The following FAF1 variants were observed in gnomAD, a reference collection of about 807,000 sequenced individuals.
FAF1 encodes FAS-associated factor 1.
Under a neutral mutation model 92.5 loss-of-function variants are expected in FAF1, and 25 were observed. The ratio of observed to expected loss-of-function variants is 0.27; its 90% CI spans 0.20 to 0.38. The LOEUF (loss-of-function observed/expected upper bound fraction) is 0.38, where lower values mean the gene tolerates loss of function less well. Ranked by LOEUF, FAF1 falls within the 10% of genes least tolerant of loss-of-function variation. FAF1 has a pLI of 1.00. For synonymous variants in FAF1, 234 were observed against 273.2 expected (o/e 0.86, Z 1.42); for missense variants, 636 against 793.3 (o/e 0.80, Z 2.38).
At chr1:50,871,977 A>C (rs1455035080) in intron 1 of FAF1, among the ~76,000 whole-genome samples, 1 of 150,774 alleles carries the variant, frequency 6.6e-6, no homozygotes, top group African/African-American at 2.4e-5. Flanking sequence ...AGGCAGGAGA[A>C]TGGCATGAAC....
intron 18 of FAF1, chr1:50,452,343 C>A: frequency 2.8e-6 from 1 of 357,424 alleles, no homozygotes; most frequent in Non-Finnish European, 5.4e-6. Context: ...TGCAGATGAG[C>A]CCCAGCAGTG....
At chr1:50,477,680 T>G (rs1358877238) in intron 17 of FAF1, among the ~76,000 whole-genome samples, 1 of 152,196 alleles carries the variant, frequency 6.6e-6, no homozygotes, top group African/African-American at 2.4e-5. Context: ...TAAATGCTAG[T>G]TGATATGTCA....
At chr1:50,758,252 C>G (rs1660159133) in intron 4 of FAF1, among the ~76,000 whole-genome samples, 1 of 152,162 alleles carries the variant, frequency 6.6e-6, no homozygotes, top group South Asian at 2.1e-4. Context: ...CAGGGTTTCA[C>G]CATGTTGGCA....
intron 3 of FAF1, among the ~76,000 whole-genome samples, chr1:50,789,863 G>A (rs756652430): frequency 2.6e-5 from 4 of 152,070 alleles, no homozygotes; most frequent in Admixed American, 6.5e-5. Flanking sequence ...GCTAACAGGC[G>A]CATGGTCTTT....
At position 50,787,988 on chromosome 1, in the gene FAF1, G is replaced by GA. The variant is rs757522454; in HGVS notation, c.367+11dup. On this transcript the variant is annotated intron_variant, in intron 4 of 18. Coordinates refer to ENST00000396153, the MANE Select transcript of FAF1 (RefSeq NM_007051.3). ...TTTATTTGTGAAGGCTTTATGGCAGGAAAAACCTTACCAACAGTACAGGTG... is the reference window on the plus strand; with the variant it reads ...TTTATTTGTGAAGGCTTTATGGCAGGAAAAAACCTTACCAACAGTACAGGTG... The GA allele has an allele frequency of 1.2e-6, 2 of 1,607,280 alleles. No individual in the cohort carries two copies. Among genetic ancestry groups the GA allele is most frequent in the South Asian group, 1.1e-5 (1 of 90,928 alleles).
chr1:50,777,307 A>G (rs1224092423), intron 4 of FAF1, among the ~76,000 whole-genome samples: 2 of 151,458 alleles, frequency 1.3e-5, no homozygotes, highest in African/African-American at 4.9e-5. Context: ...TAGTCCCAGC[A>G]CTCGGGAAGC....
At chr1:50,774,905 G>GA (rs1369013845) in intron 4 of FAF1, among the ~76,000 whole-genome samples, 1 of 152,018 alleles carries the variant, frequency 6.6e-6, no homozygotes, top group Non-Finnish European at 1.5e-5. Flanking sequence ...GTATTGAAAT[G>GA]AAACTGCAAT....
intron 1 of FAF1, 119 bp from the exon 2 acceptor site, chr1:50,858,116 C>T: frequency 1.7e-6 from 1 of 578,822 alleles, no homozygotes; most frequent in Non-Finnish European, 2.9e-6. Flanking sequence ...ATGAATAAAG[C>T]CAAAACACTA....
At chr1:50,578,985 T>C (rs944366590) in intron 12 of FAF1, among the ~76,000 whole-genome samples, 2 of 152,128 alleles carry the variant, frequency 1.3e-5, no homozygotes, top group African/African-American at 4.8e-5. Flanking sequence ...AAGACATTTT[T>C]ATCAGTCCAG....
chr1:50,655,398 A>C (rs1569689683), intron 8 of FAF1, 44 bp downstream of exon 8: 4 of 1,256,644 alleles, frequency 3.2e-6, no homozygotes, highest in Non-Finnish European at 4.7e-6. Context: ...AAAGTGGCAA[A>C]AGAGAAAGGA....
chr1:50,668,526 G>C (rs1286230623), intron 7 of FAF1, among the ~76,000 whole-genome samples: 2 of 152,182 alleles, frequency 1.3e-5, no homozygotes, highest in Non-Finnish European at 2.9e-5. Context: ...TAAGAGTAAA[G>C]TCACCAAAAT....
intron 4 of FAF1, among the ~76,000 whole-genome samples, chr1:50,767,603 C>G (rs1335514506): frequency 6.6e-6 from 1 of 152,172 alleles, no homozygotes; most frequent in Non-Finnish European, 1.5e-5. Flanking sequence ...CACAGACTAA[C>G]AGTGTACCTT....
chr1:50,837,971 C>T (rs560970144), intron 2 of FAF1, among the ~76,000 whole-genome samples: 1 of 152,212 alleles, frequency 6.6e-6, no homozygotes, highest in South Asian at 2.1e-4. Context: ...TCTCCATCTC[C>T]TGACCTTGTG....
chr1:50,696,700 G>A (rs1016751404), intron 7 of FAF1, among the ~76,000 whole-genome samples: 1 of 151,934 alleles, frequency 6.6e-6, no homozygotes, highest in Non-Finnish European at 1.5e-5. Context: ...AAACAGAATT[G>A]GTTTCTCTGT....
chr1:50,552,500 G>C (rs964980733), intron 13 of FAF1, among the ~76,000 whole-genome samples: 3 of 152,086 alleles, frequency 2.0e-5, no homozygotes, highest in African/African-American at 7.2e-5. Flanking sequence ...AACAAAAGTG[G>C]AAAAGATTGA....
chr1:50,565,555 A>G lies in FAF1; in HGVS notation c.1268+1522T>C, dbSNP rs368955607. On this transcript the variant is annotated intron_variant, in intron 13 of 18. Transcript: ENST00000396153. ...CACCACAGGTGTCTCTGTAACCTGC[A>G]AACTCTTATTACTAGTGTATCAAAG... 1.8e-4 allele frequency among the ~76,000 whole-genome samples: 28 copies of G among 152,216 alleles called. No individual in the cohort carries two copies. In the South Asian group the frequency reaches 4.6e-3, roughly 25 times the overall value.
At chr1:50,881,637 G>A (rs911802696) in intron 1 of FAF1, among the ~76,000 whole-genome samples, 12 of 152,088 alleles carry the variant, frequency 7.9e-5, no homozygotes, top group Non-Finnish European at 1.6e-4. Context: ...TATCAATCGG[G>A]AAGACCCTTG....
intron 3 of FAF1, among the ~76,000 whole-genome samples, chr1:50,793,416 A>T (rs780598282): frequency 6.6e-6 from 1 of 152,236 alleles, no homozygotes; most frequent in Non-Finnish European, 1.5e-5. Flanking sequence ...GTGAAAAATT[A>T]GAATTGGAAG....
intron 13 of FAF1, among the ~76,000 whole-genome samples, chr1:50,557,865 C>T (rs548604425): frequency 7.2e-5 from 11 of 152,060 alleles, no homozygotes; most frequent in African/African-American, 2.4e-4. Flanking sequence ...GCAAAATACA[C>T]GATGGCATAT....
Sources: gnomAD v4.1 joint callset for allele counts (sites outside exome capture counted in the v4.1 genomes callset) on GRCh38, gnomAD v4.1.1 for gene constraint, MANE v1.5 for transcripts, NCBI Gene and HGNC (gene_info 2026-07-23, HGNC 2026-07-21) for gene names.